Variants in RWDD4 observed in about 807,000 individuals in gnomAD.
The protein encoded by RWDD4 is RWD domain-containing protein 4.
In RWDD4, 16 loss-of-function variants were observed where a neutral mutation model predicts 30.0. The observed-to-expected ratio is 0.53, with a 90% CI of 0.36 to 0.81. RWDD4 has a LOEUF of 0.81. Ranked by LOEUF, RWDD4 falls within the 30% of genes least tolerant of loss-of-function variation. The probability of loss-of-function intolerance (pLI) is 0.00; values close to 1 mark genes in which losing one functional copy is unlikely to be tolerated. For synonymous variants in RWDD4, 45 were observed against 72.1 expected (o/e 0.62, Z 1.90); for missense variants, 170 against 223.9 (o/e 0.76, Z 1.54).
At chr4:183,654,044 A>G (rs547015845) in intron 2 of RWDD4, among the ~76,000 whole-genome samples, 110 of 152,318 alleles carry the variant, frequency 7.2e-4, no homozygotes, top group African/African-American at 2.1e-3. Context: ...TAGGCCTTAA[A>G]GGAGAGGCAG....
chr4:183,652,361 CT>C (rs59841926), intron 2 of RWDD4, among the ~76,000 whole-genome samples: 1,797 of 123,252 alleles, frequency 0.015, 20 homozygotes, highest in Middle Eastern at 0.047. Context: ...TCTCCCCTGG[CT>C]TTTTTTTTTT....
At chr4:183,653,847 T>C (rs749360618) in intron 2 of RWDD4, among the ~76,000 whole-genome samples, 1 of 152,224 alleles carries the variant, frequency 6.6e-6, no homozygotes, top group Non-Finnish European at 1.5e-5. Context: ...GATACAAAGA[T>C]AGAGACAAGG....
intron 5 of RWDD4, among the ~76,000 whole-genome samples, chr4:183,648,994 G>A (rs1248091459): frequency 6.6e-6 from 1 of 151,990 alleles, no homozygotes; most frequent in African/African-American, 2.4e-5. Context: ...GTATACATAT[G>A]TGACCCAAAA....
At position 183,642,435 on chromosome 4, in the gene RWDD4, C is replaced by A. The variant is rs552328486; in HGVS notation, c.535-967G>T. Among the ~76,000 whole-genome samples, 3 of 85,266 alleles carry A rather than the reference C, an allele frequency of 3.5e-5. 1 individual carries two copies. Among genetic ancestry groups the A allele is most frequent in the African/African-American group, 2.3e-4 (3 of 12,914 alleles). 55.9% of individuals were successfully genotyped at this position (85,266 alleles called of 152,430 possible). ...CGATCTCCTGACCTCGTGATCCGCC[C>A]GCCTCGGCCTCCCAAAGTGCTGGGA... On this transcript the variant is annotated intron_variant, in intron 7 of 7. Transcript: ENST00000326397.
intron 2 of RWDD4, among the ~76,000 whole-genome samples, chr4:183,652,848 A>G (rs1734111672): frequency 6.7e-6 from 1 of 150,112 alleles, no homozygotes; most frequent in Admixed American, 6.6e-5. Flanking sequence ...CACCTCAGCC[A>G]CTCAAGTAGC....
At chr4:183,654,174 G>A (rs1228257988) in intron 2 of RWDD4, among the ~76,000 whole-genome samples, 1 of 152,162 alleles carries the variant, frequency 6.6e-6, no homozygotes, top group Non-Finnish European at 1.5e-5. Context: ...GTGAGTGGAG[G>A]GGAAAGTTTG....
chr4:183,658,507 T>C (rs1021011691), intron 1 of RWDD4, among the ~76,000 whole-genome samples: 9 of 152,192 alleles, frequency 5.9e-5, no homozygotes, highest in African/African-American at 2.2e-4. Context: ...CCAGTGTCAT[T>C]TTCTTCCATG....
At chr4:183,646,253 T>C (rs1436350553) in intron 7 of RWDD4, 98 bp downstream of exon 7, 7 of 727,062 alleles carry the variant, frequency 9.6e-6, no homozygotes, top group Non-Finnish European at 1.7e-5. Context: ...ATTGTAGTTT[T>C]AACTTCTGCA....
chr4:183,651,135 C>A lies in RWDD4; in HGVS notation c.216-4G>T, dbSNP rs1445484749. On this transcript the variant is annotated splice_region_variant and splice_polypyrimidine_tract_variant and intron_variant, in intron 3 of 7. Transcript: ENST00000326397. Reference sequence around the variant, plus strand: ...ACTCTGCTTTACAGCTGATGATCTACAATGCACAACAAAAATACCTTGCTG... The same window carrying A: ...ACTCTGCTTTACAGCTGATGATCTAAAATGCACAACAAAAATACCTTGCTG... 6.2e-7 allele frequency: 1 copy of A among 1,613,974 alleles called. No homozygotes were observed. Among genetic ancestry groups the A allele is most frequent in the Non-Finnish European group, 8.5e-7 (1 of 1,179,972 alleles).
intron 7 of RWDD4, among the ~76,000 whole-genome samples, chr4:183,641,800 C>T (rs1733861578): frequency 6.6e-6 from 1 of 152,058 alleles, no homozygotes; most frequent in East Asian, 1.9e-4. Flanking sequence ...TTCAAAAGTT[C>T]TTGTTTTCCA....
At chr4:183,655,405 C>A (rs1272737759) in intron 2 of RWDD4, among the ~76,000 whole-genome samples, 1 of 151,950 alleles carries the variant, frequency 6.6e-6, no homozygotes, top group African/African-American at 2.4e-5. Flanking sequence ...CCTCAGCCTC[C>A]CGAGTAGCTG....
intron 2 of RWDD4, among the ~76,000 whole-genome samples, chr4:183,652,593 T>C (rs1344773951): frequency 2.0e-5 from 3 of 151,952 alleles, no homozygotes; most frequent in African/African-American, 7.2e-5. Context: ...GGGTAGATCA[T>C]GAGGTCAAGA....
intron 4 of RWDD4, among the ~76,000 whole-genome samples, chr4:183,650,656 C>A (rs1232541248): frequency 6.6e-6 from 1 of 152,112 alleles, no homozygotes; most frequent in African/African-American, 2.4e-5. Context: ...TATTTTAGCA[C>A]TGCATAAGAG....
In RWDD4 at chr4:183,652,361, CTTTTTT is replaced by C. The variant is rs59841926; in HGVS notation, c.106-1040_106-1035del. On this transcript the variant is annotated intron_variant, in intron 2 of 7. Transcript: ENST00000326397. ...AACAGTCCCCAGCCCTCTCCCCTGG[CTTTTTT>C]TTTTTTTTTTTGAGACAGGGTCTCA... Among the ~76,000 whole-genome samples the C allele has an allele frequency of 6.5e-3, 806 of 123,290 alleles. 11 individuals are homozygous for C. The highest frequency in any genetic ancestry group is 0.025 in the African/African-American group (780 of 31,310). The allele number at this position is 123,290 out of a possible 152,430, so 80.9% of individuals were successfully genotyped here.
intron 7 of RWDD4, 47 bp downstream of exon 7, chr4:183,646,304 G>A: frequency 2.5e-6 from 2 of 803,110 alleles, no homozygotes; most frequent in East Asian, 2.4e-5. Context: ...CTAAAATTGA[G>A]AGTGCAGGGA....
intron 5 of RWDD4, among the ~76,000 whole-genome samples, chr4:183,647,018 C>G (rs1235799979): frequency 6.6e-6 from 1 of 152,158 alleles, no homozygotes; most frequent in Non-Finnish European, 1.5e-5. Context: ...GGCTGGCTAA[C>G]TTATGTATTA....
At chr4:183,648,514 CTT>C (rs1382312735) in intron 5 of RWDD4, among the ~76,000 whole-genome samples, 1 of 152,122 alleles carries the variant, frequency 6.6e-6, no homozygotes, top group African/African-American at 2.4e-5. Flanking sequence ...CTAAAGAACT[CTT>C]GTTTAGAACA....
chr4:183,646,097 T>C (rs1270416997), intron 7 of RWDD4, among the ~76,000 whole-genome samples: 3 of 152,128 alleles, frequency 2.0e-5, no homozygotes, highest in African/African-American at 7.2e-5. Flanking sequence ...ATAGACAGGG[T>C]TTCACCATGT....
At chr4:183,649,188 T>A (rs906113534) in intron 5 of RWDD4, among the ~76,000 whole-genome samples, 1 of 151,860 alleles carries the variant, frequency 6.6e-6, no homozygotes, top group South Asian at 2.1e-4. Flanking sequence ...CAGAGGCAGG[T>A]GGATCACCTG....
Sources: allele counts gnomAD v4.1 joint callset (sites outside exome capture counted in the v4.1 genomes callset), GRCh38; gene constraint gnomAD v4.1.1; transcripts MANE v1.5; gene names NCBI Gene and HGNC (gene_info 2026-07-23, HGNC 2026-07-21).